SETBP1: variants seen among roughly 807,000 people sequenced by gnomAD.
SETBP1 encodes the protein SET binding protein 1, also known as SET-binding protein.
Under a neutral mutation model 101.0 loss-of-function variants are expected in SETBP1, and 9 were observed. The observed-to-expected ratio is 0.09, with a 90% CI of 0.05 to 0.16. The LOEUF (loss-of-function observed/expected upper bound fraction) is 0.16. Among genes scored for constraint, SETBP1 ranks in the 10% least tolerant of loss-of-function variants. The pLI, the probability that SETBP1 is intolerant of heterozygous loss-of-function variation, is 1.00. For synonymous variants in SETBP1, 818 were observed against 788.5 expected, an observed-to-expected ratio of 1.04 and a Z score of -0.63; for missense variants, 1,858 against 2,033.8, an observed-to-expected ratio of 0.91 and a Z score of 1.66.
At chr18:45,037,089 A>AG (rs2073412931) in intron 4 of SETBP1, among the ~76,000 whole-genome samples, 1 of 152,216 alleles carries the variant, frequency 6.6e-6, no homozygotes, top group Non-Finnish European at 1.5e-5. Context: ...TTACTCTGGG[A>AG]GGGGACTGGA....
intron 1 of SETBP1, among the ~76,000 whole-genome samples, chr18:44,683,655 C>A (rs1271172726): frequency 6.6e-6 from 1 of 152,188 alleles, no homozygotes; most frequent in Non-Finnish European, 1.5e-5. Context: ...TGAGAAATAG[C>A]TAGCTGGATG....
At chr18:44,873,392 A>G (rs936960708) in intron 3 of SETBP1, among the ~76,000 whole-genome samples, 6 of 152,240 alleles carry the variant, frequency 3.9e-5, no homozygotes, top group African/African-American at 1.2e-4. Flanking sequence ...TGAAAGTAGC[A>G]TTGTATGCCT....
In SETBP1 at chr18:44,841,586, A is replaced by G. The variant is rs539225442; in HGVS notation, c.487-27644A>G. Reference sequence around the variant, plus strand: ...GACTCCATGTAGTACCCGAGCTACAAGTCTCTTGACTGCTAGTTCAGTGCC... The same window carrying G: ...GACTCCATGTAGTACCCGAGCTACAGGTCTCTTGACTGCTAGTTCAGTGCC... On this transcript the variant is annotated intron_variant, in intron 2 of 5. Coordinates refer to ENST00000649279, the MANE Select transcript of SETBP1 (RefSeq NM_015559.3). Among the ~76,000 whole-genome samples, 50 of 152,332 alleles carry G rather than the reference A, an allele frequency of 3.3e-4. 1 individual carries two copies. Among genetic ancestry groups the G allele is most frequent in the Middle Eastern group, 6.8e-3 (2 of 294 alleles).
At chr18:44,735,714 C>T (rs994568393) in intron 2 of SETBP1, among the ~76,000 whole-genome samples, 4 of 152,160 alleles carry the variant, frequency 2.6e-5, no homozygotes, top group Non-Finnish European at 2.9e-5. Context: ...TAGATCAAAA[C>T]TGTAAGGATG....
intron 2 of SETBP1, among the ~76,000 whole-genome samples, chr18:44,808,208 C>T (rs1406807904): frequency 6.6e-6 from 1 of 152,152 alleles, no homozygotes; most frequent in Non-Finnish European, 1.5e-5. Flanking sequence ...ATTAGTTTTC[C>T]TTAACAATCA....
At chr18:44,900,021 A>G (rs1461002046) in intron 3 of SETBP1, among the ~76,000 whole-genome samples, 1 of 152,206 alleles carries the variant, frequency 6.6e-6, no homozygotes, top group Non-Finnish European at 1.5e-5. Context: ...TCATGCAATA[A>G]TGAATGGGTG....
At chr18:44,906,795 C>T (rs909769392) in intron 3 of SETBP1, among the ~76,000 whole-genome samples, 2 of 152,134 alleles carry the variant, frequency 1.3e-5, no homozygotes, top group East Asian at 1.9e-4. Context: ...TGGTCATGCT[C>T]ATAATTGTAT....
chr18:44,889,940 G>C (rs2069730412), intron 3 of SETBP1, among the ~76,000 whole-genome samples: 2 of 151,990 alleles, frequency 1.3e-5, no homozygotes, highest in South Asian at 4.1e-4. Flanking sequence ...CAGCATTTTT[G>C]TTTACTTGTT....
At chr18:44,820,366 C>G (rs1000743497) in intron 2 of SETBP1, among the ~76,000 whole-genome samples, 5 of 152,224 alleles carry the variant, frequency 3.3e-5, no homozygotes, top group Non-Finnish European at 7.3e-5. Context: ...ACTCTTGTAG[C>G]TTTTGACTGG....
intron 2 of SETBP1, among the ~76,000 whole-genome samples, chr18:44,795,099 G>T (rs1187977349): frequency 6.6e-6 from 1 of 152,142 alleles, no homozygotes; most frequent in Non-Finnish European, 1.5e-5. Context: ...GTATAAAATA[G>T]CAGTGTCTTA....
intron 1 of SETBP1, among the ~76,000 whole-genome samples, chr18:44,689,528 G>A (rs115714046): frequency 1.6e-3 from 244 of 152,306 alleles, no homozygotes; most frequent in African/African-American, 5.6e-3. Context: ...ACTCTGATGG[G>A]TGCCATGGGG....
At chr18:44,733,658 CA>C (rs2069891202) in intron 2 of SETBP1, among the ~76,000 whole-genome samples, 1 of 152,202 alleles carries the variant, frequency 6.6e-6, no homozygotes, top group Admixed American at 6.5e-5. Flanking sequence ...TCTTTCACCA[CA>C]AAAACCTCAA....
intron 3 of SETBP1, among the ~76,000 whole-genome samples, chr18:44,888,681 G>A (rs1021561010): frequency 6.6e-6 from 1 of 152,046 alleles, no homozygotes; most frequent in Non-Finnish European, 1.5e-5. Flanking sequence ...CATTGACATG[G>A]CCACAGAGAT....
At chr18:44,736,273 G>A (rs1404705099) in intron 2 of SETBP1, among the ~76,000 whole-genome samples, 1 of 152,158 alleles carries the variant, frequency 6.6e-6, no homozygotes, top group African/African-American at 2.4e-5. Flanking sequence ...CAGCTACTCA[G>A]GATGCTGAGG....
intron 2 of SETBP1, among the ~76,000 whole-genome samples, chr18:44,838,909 G>C (rs2144511169): frequency 6.6e-6 from 1 of 152,202 alleles, no homozygotes; most frequent in Admixed American, 6.5e-5. Context: ...GCCATGCAGA[G>C]ACAGATGTGA....
At chr18:44,933,444 C>T (rs1041152155) in intron 3 of SETBP1, among the ~76,000 whole-genome samples, 3 of 152,250 alleles carry the variant, frequency 2.0e-5, no homozygotes, top group African/African-American at 7.2e-5. Context: ...AGATCTCAAA[C>T]TCCATGCTGG....
chr18:44,944,102 G>T (rs1336510220), intron 3 of SETBP1, among the ~76,000 whole-genome samples: 1 of 152,068 alleles, frequency 6.6e-6, no homozygotes, highest in Non-Finnish European at 1.5e-5. Flanking sequence ...CCAAAGTGCT[G>T]GGATTACACA....
At chr18:44,773,826 C>T (rs1262802048) in intron 2 of SETBP1, among the ~76,000 whole-genome samples, 5 of 68,972 alleles carry the variant, frequency 7.2e-5, no homozygotes, top group African/African-American at 1.9e-4. Flanking sequence ...CTCTCTCTGT[C>T]TCTCTCTGTT....
chr18:44,979,386 T>A (rs1205747688), intron 4 of SETBP1, among the ~76,000 whole-genome samples: 3 of 152,252 alleles, frequency 2.0e-5, no homozygotes, highest in Non-Finnish European at 4.4e-5. Flanking sequence ...AAATTCAGTG[T>A]ACTACTGGCT....
Sources: allele counts gnomAD v4.1 joint callset (sites outside exome capture counted in the v4.1 genomes callset), GRCh38; gene constraint gnomAD v4.1.1; transcripts MANE v1.5; gene names NCBI Gene and HGNC (gene_info 2026-07-23, HGNC 2026-07-21).